SYNPR: variants seen among roughly 807,000 people sequenced by gnomAD.
The protein encoded by SYNPR is synaptoporin.
Under a neutral mutation model 32.9 loss-of-function variants are expected in SYNPR, and 23 were observed. That is an observed-to-expected ratio of 0.70 (90% CI 0.50 to 0.99). SYNPR has a LOEUF of 0.99. SYNPR is among the 50% of genes least tolerant of loss of function. The pLI is 0.00. For synonymous variants in SYNPR, 146 were observed against 135.9 expected (o/e 1.07, Z -0.52); for missense variants, 318 against 349.3 (o/e 0.91, Z 0.71).
intron 1 of SYNPR, among the ~76,000 whole-genome samples, chr3:63,247,769 C>G (rs1261876096): frequency 1.3e-5 from 2 of 152,110 alleles, no homozygotes; most frequent in African/African-American, 4.8e-5. Flanking sequence ...CCCGCTCTCT[C>G]AGCGAGTCAG....
chr3:63,515,764 T>G (rs1270189216), intron 3 of SYNPR, among the ~76,000 whole-genome samples: 1 of 152,152 alleles, frequency 6.6e-6, no homozygotes, highest in African/African-American at 2.4e-5. Flanking sequence ...TGAAAAGACA[T>G]GTTGTGTGTT....
At chr3:63,551,280 G>T (rs1383244193) in intron 3 of SYNPR, among the ~76,000 whole-genome samples, 4 of 152,068 alleles carry the variant, frequency 2.6e-5, no homozygotes, top group African/African-American at 7.2e-5. Flanking sequence ...ATATTCTTTT[G>T]TATGAATAAA....
At chr3:63,285,479 G>A (rs1006063303) in intron 2 of SYNPR, among the ~76,000 whole-genome samples, 9 of 152,140 alleles carry the variant, frequency 5.9e-5, no homozygotes, top group African/African-American at 1.7e-4. Context: ...AGCAATCTAC[G>A]ATTGACAGTT....
At chr3:63,445,708 G>A (rs1700265210) in intron 2 of SYNPR, 3 of 522,356 alleles carry the variant, frequency 5.7e-6, no homozygotes, top group Non-Finnish European at 1.0e-5. Flanking sequence ...GGAGACATAG[G>A]ACAAGTATGT....
chr3:63,398,492 G>A lies in SYNPR; in HGVS notation c.85-82340G>A, dbSNP rs144200972. On this transcript the variant is annotated intron_variant, in intron 2 of 5. Coordinates refer to ENST00000478300, the MANE Select transcript of SYNPR (RefSeq NM_001130003.2). ...TCCCAGCACTTTGGGAGGCCAAGGC[G>A]GGCAGATCACGAGGTCAGGAGATCG... Among the ~76,000 whole-genome samples, 922 of 152,030 alleles carry A rather than the reference G, an allele frequency of 6.1e-3. 11 individuals carry two copies. The highest frequency in any genetic ancestry group is 0.021 in the African/African-American group (886 of 41,470).
At chr3:63,580,425 G>A (rs1251638045) in intron 4 of SYNPR, among the ~76,000 whole-genome samples, 1 of 152,156 alleles carries the variant, frequency 6.6e-6, no homozygotes, top group Non-Finnish European at 1.5e-5. Flanking sequence ...TGGCAATGTA[G>A]ACTTCAGAAT....
chr3:63,371,405 AG>A (rs1385250302), intron 2 of SYNPR, among the ~76,000 whole-genome samples: 2 of 152,190 alleles, frequency 1.3e-5, no homozygotes, highest in Non-Finnish European at 2.9e-5. Flanking sequence ...TCTCCGGGAA[AG>A]AGGCAAATTT....
chr3:63,422,266 T>C (rs1285013914), intron 2 of SYNPR, among the ~76,000 whole-genome samples: 2 of 152,232 alleles, frequency 1.3e-5, no homozygotes, highest in African/African-American at 4.8e-5. Context: ...TACATTGCTA[T>C]GTGTTCTCCC....
intron 2 of SYNPR, among the ~76,000 whole-genome samples, chr3:63,365,465 C>T (rs1306587948): frequency 2.6e-5 from 4 of 152,058 alleles, no homozygotes; most frequent in African/African-American, 4.8e-5. Context: ...TTGTAGGTGT[C>T]TACATAGAGG....
Position 63,609,316 on chromosome 3 carries a change from G to T in SYNPR, c.600G>T (p.Val200=). The T allele has an allele frequency of 6.4e-7, 1 of 1,557,196 alleles. No homozygotes were observed. The highest frequency in any genetic ancestry group is 1.2e-5 in the South Asian group (1 of 82,356). ...TTATGTCAAGCTTAAACACTTCTGT[G>T]GTAAGTATTTTTCATCTATGCTTTA... ...SPVMSSLNTS[V]VFGFLNFILW... The change falls in exon 5 of 6, where the codon GTG becomes GTT. Residue 200 remains valine, a splice_region_variant and synonymous_variant. Coordinates refer to ENST00000478300, the MANE Select transcript of SYNPR (RefSeq NM_001130003.2).
chr3:63,261,483 G>A (rs1401419679), intron 2 of SYNPR, among the ~76,000 whole-genome samples: 11 of 145,046 alleles, frequency 7.6e-5, no homozygotes, highest in Middle Eastern at 7.6e-3. Context: ...ACCAAACACC[G>A]CATATTCTCA....
intron 4 of SYNPR, among the ~76,000 whole-genome samples, chr3:63,601,667 AG>A (rs1700045443): frequency 6.6e-6 from 1 of 152,210 alleles, no homozygotes; most frequent in African/African-American, 2.4e-5. Flanking sequence ...GTTGCTACAA[AG>A]GACATGATCT....
intron 3 of SYNPR, among the ~76,000 whole-genome samples, chr3:63,481,451 A>ATGTGTG (rs71631157): frequency 3.1e-4 from 45 of 147,200 alleles, no homozygotes; most frequent in African/African-American, 9.8e-4. Flanking sequence ...ATATATATAT[A>ATGTGTG]TGTGTGTGTG....
rs1235694189 is a variant in SYNPR at position 63,398,774 on chromosome 3, A to ATAACAGTAACTAAATGG, written c.85-82056_85-82040dup. Among the ~76,000 whole-genome samples, 312 of 152,288 alleles carry ATAACAGTAACTAAATGG rather than the reference A, an allele frequency of 2.0e-3. 3 individuals are homozygous for ATAACAGTAACTAAATGG. Among genetic ancestry groups the ATAACAGTAACTAAATGG allele is most frequent in the African/African-American group, 6.9e-3 (285 of 41,578 alleles). ...GAGGAATGTATTCAGAAGATAACAG[A>ATAACAGTAACTAAATGG]TAACAGTAACTAAATGGTGGGAGAA... On this transcript the variant is annotated intron_variant, in intron 2 of 5. Transcript: ENST00000478300.
intron 4 of SYNPR, among the ~76,000 whole-genome samples, chr3:63,607,534 G>A (rs1372973564): frequency 2.0e-5 from 3 of 152,196 alleles, no homozygotes; most frequent in East Asian, 3.9e-4. Flanking sequence ...AAACCAAGGT[G>A]TAATTGAATG....
At chr3:63,315,992 A>T (rs2087039495) in intron 2 of SYNPR, among the ~76,000 whole-genome samples, 1 of 151,984 alleles carries the variant, frequency 6.6e-6, no homozygotes, top group Non-Finnish European at 1.5e-5. Flanking sequence ...ATCTATTGAG[A>T]TGATTGTGTT....
At chr3:63,372,356 G>A (rs2087826917) in intron 2 of SYNPR, among the ~76,000 whole-genome samples, 1 of 151,546 alleles carries the variant, frequency 6.6e-6, no homozygotes, top group South Asian at 2.1e-4. Context: ...CAATGGCTCT[G>A]TGTATCTCTG....
intron 1 of SYNPR, among the ~76,000 whole-genome samples, chr3:63,250,809 C>T (rs561745325): frequency 1.3e-5 from 2 of 152,208 alleles, no homozygotes; most frequent in South Asian, 2.1e-4. Context: ...CCTACTCAGA[C>T]TTTTGGTTCA....
intron 4 of SYNPR, among the ~76,000 whole-genome samples, chr3:63,595,715 TTTTATATATATATATATATATA>T (rs1283709703): frequency 0.13 from 5,720 of 45,698 alleles, 763 homozygotes; most frequent in South Asian, 0.35. Context: ...CTGAATCTTA[TTTTATATATATATATATATATA>T]TATATATATA....
Sources: allele counts gnomAD v4.1 joint callset (sites outside exome capture counted in the v4.1 genomes callset), GRCh38; gene constraint gnomAD v4.1.1; transcripts MANE v1.5; gene names NCBI Gene and HGNC (gene_info 2026-07-23, HGNC 2026-07-21).